The following INPP1 variants were observed in gnomAD, a reference collection of about 807,000 sequenced individuals.
INPP1 encodes inositol polyphosphate-1-phosphatase.
INPP1 carries 18 observed loss-of-function variants against 23.0 expected under a neutral mutation model. That is an observed-to-expected ratio of 0.78 (90% CI 0.54 to 1.16). INPP1 has a LOEUF of 1.16. Among genes scored for constraint, INPP1 ranks in the 50% most tolerant of loss-of-function variants. The pLI, the probability that INPP1 is intolerant of heterozygous loss-of-function variation, is 0.00. For synonymous variants in INPP1, 164 were observed against 176.3 expected (o/e 0.93, Z 0.55); for missense variants, 448 against 482.1 (o/e 0.93, Z 0.66).
At chr2:190,369,643 A>G (rs181847406) in intron 6 of INPP1, among the ~76,000 whole-genome samples, 23 of 152,380 alleles carry the variant, frequency 1.5e-4, no homozygotes, top group Non-Finnish European at 3.1e-4. Flanking sequence ...ATCGCTGTAT[A>G]GCCAGTTGAA....
At position 190,369,222 on chromosome 2, in the gene INPP1, C is replaced by T. The variant is rs746741158; in HGVS notation, c.586C>T (p.Pro196Ser). 2.1e-5 allele frequency: 34 copies of T among 1,604,152 alleles called. No individual in the cohort carries two copies. The South Asian group carries it at 3.7e-4, about 17-fold the overall frequency. Residue 196 changes from proline (P) to serine (S), a missense_variant, in exon 6 of 7, where the codon CCC (proline) becomes TCC (serine). Coordinates refer to ENST00000392329, the MANE Select transcript of INPP1 (RefSeq NM_001128928.2). ...IGVYDIQTGV[P>S]LMGVINQPFV... is the part of the protein sequence containing the mutation. ...TGTCTATGACATACAGACAGGGGTTCCCCTGATGGGAGTCATCAATCAACC... is the reference window on the plus strand; with the variant it reads ...TGTCTATGACATACAGACAGGGGTTTCCCTGATGGGAGTCATCAATCAACC...
intron 4 of INPP1, among the ~76,000 whole-genome samples, chr2:190,365,993 C>CTCTG (rs1689646034): frequency 4.2e-5 from 1 of 24,002 alleles, no homozygotes; most frequent in Non-Finnish European, 7.3e-5. Context: ...GTCTCGCTCT[C>CTCTG]TCTCGCTCTC....
chr2:190,371,050 G>T lies in INPP1; in HGVS notation c.848G>T (p.Arg283Leu), dbSNP rs755770972. The change falls in exon 7 of 7, where the codon CGC (arginine) becomes CTC (leucine). Residue 283 changes from arginine to leucine, a missense_variant. Arg to Leu is a moderately radical substitution (Grantham distance 102, BLOSUM62 -2). Coordinates refer to ENST00000392329, the MANE Select transcript of INPP1 (RefSeq NM_001128928.2). This position sits in a 1 kb window ranked among gnomAD's most constrained non-coding sequence, Gnocchi z 5.3. Reference sequence around the variant, plus strand: ...GCATTGTCACGTGTGTGTGGAGATCGCATATTTGGGGCAGCTGGGGCTGGT... The same window carrying T: ...GCATTGTCACGTGTGTGTGGAGATCTCATATTTGGGGCAGCTGGGGCTGGT... ...KAALSRVCGD[R>L]IFGAAGAGYK... 33 of 1,613,970 alleles carry T rather than the reference G, an allele frequency of 2.0e-5. No individual in the cohort carries two copies. In the East Asian group the frequency reaches 2.5e-4, roughly 12 times the overall value.
At chr2:190,365,742 C>A (rs1689632437) in intron 4 of INPP1, among the ~76,000 whole-genome samples, 1 of 152,234 alleles carries the variant, frequency 6.6e-6, no homozygotes, top group Non-Finnish European at 1.5e-5. Flanking sequence ...TGCCCTCAAT[C>A]TAAGTGCACA....
chr2:190,362,868 A>G (rs1017797991), intron 4 of INPP1, 181 bp downstream of exon 4: 3 of 419,504 alleles, frequency 7.2e-6, no homozygotes, highest in Non-Finnish European at 1.3e-5. Context: ...TTAAGTAGAG[A>G]GATGTGGTAT....
chr2:190,354,418 C>T lies in INPP1; in HGVS notation c.-65+5387C>T, dbSNP rs1449178986. Reference sequence around the variant, plus strand: ...CATGTTGAAGCCCCAACCCCCAGTACCTCAGAATGGGACTGTACTTGCAGA... The same window carrying T: ...CATGTTGAAGCCCCAACCCCCAGTATCTCAGAATGGGACTGTACTTGCAGA... On this transcript the variant is annotated intron_variant, in intron 2 of 6. Coordinates refer to ENST00000392329, the MANE Select transcript of INPP1 (RefSeq NM_001128928.2). The surrounding 1 kb of genome is among the most constrained non-coding windows in gnomAD (Gnocchi z 4.8). 6.6e-6 allele frequency among the ~76,000 whole-genome samples: 1 copy of T among 152,170 alleles called. No homozygotes were observed. Among genetic ancestry groups the T allele is most frequent in the Non-Finnish European group, 1.5e-5 (1 of 68,032 alleles).
In INPP1 at chr2:190,363,233, T is replaced by G. The variant is rs1206650387; in HGVS notation, c.265+546T>G. Among the ~76,000 whole-genome samples, 1 of 152,176 alleles carries G rather than the reference T, an allele frequency of 6.6e-6. No homozygotes were observed. The highest frequency in any genetic ancestry group is 2.1e-4 in the South Asian group (1 of 4,830). ...AGATTCCTTTTAGTACTAAGTTTTTTGGTTTGTTTGTTTGTTTTTGAGACA... is the reference window on the plus strand; with the variant it reads ...AGATTCCTTTTAGTACTAAGTTTTTGGGTTTGTTTGTTTGTTTTTGAGACA... On this transcript the variant is annotated intron_variant, in intron 4 of 6. Coordinates refer to ENST00000392329, the MANE Select transcript of INPP1 (RefSeq NM_001128928.2). The surrounding 1 kb of genome is among the most constrained non-coding windows in gnomAD (Gnocchi z 4.4).
Position 190,371,386 on chromosome 2 carries a change from C to T in INPP1, c.1184C>T (p.Ala395Val). ...LSLLVQNLAP[A>V]ETHT ...CTCCTGGTCCAAAACCTGGCACCTG[C>T]AGAGACGCATACCTAGAGGAACTCT... Residue 395 changes from alanine (A) to valine (V), a missense_variant, in exon 7 of 7, where the codon GCA becomes GTA. Ala to Val is a moderately conservative substitution (Grantham distance 64). Transcript: ENST00000392329. This position sits in a 1 kb window ranked among gnomAD's most constrained non-coding sequence, Gnocchi z 5.3. The T allele has an allele frequency of 6.6e-7, 1 of 1,526,162 alleles. No individual in the cohort carries two copies. Among genetic ancestry groups the T allele is most frequent in the Non-Finnish European group, 8.8e-7 (1 of 1,138,996 alleles). 94.5% of individuals were successfully genotyped at this position (1,526,162 alleles called of 1,614,324 possible).
Position 190,360,118 on chromosome 2 carries a change from C to T in INPP1, c.16C>T (p.Arg6Trp), listed in dbSNP as rs748982117. ...AGGTTCAGAAATGTCAGATATCCTC[C>T]GGGAGCTGCTCTGTGTCTCTGAGAA... MSDIL[R>W]ELLCVSEKAA... The change falls in exon 3 of 7, where the codon CGG becomes TGG. Residue 6 changes from arginine to tryptophan, a missense_variant. By Grantham distance (101) the Arg-to-Trp change is moderately radical. Coordinates refer to ENST00000392329, the MANE Select transcript of INPP1 (RefSeq NM_001128928.2). The T allele has an allele frequency of 1.2e-5, 19 of 1,613,154 alleles. No individual in the cohort carries two copies. The highest frequency in any genetic ancestry group is 1.3e-5 in the Non-Finnish European group (15 of 1,180,004).
chr2:190,366,625 C>A, intron 4 of INPP1, 70 bp from the exon 5 acceptor site: 2 of 1,048,636 alleles, frequency 1.9e-6, no homozygotes, highest in Non-Finnish European at 1.5e-6. Context: ...CACTCTTTAG[C>A]TCTCTCTCTC....
rs530234649 is a variant in INPP1 at position 190,363,625 on chromosome 2, ACT to A, written c.265+941_265+942del. Among the ~76,000 whole-genome samples, 89 of 152,296 alleles carry A rather than the reference ACT, an allele frequency of 5.8e-4. 3 individuals carry two copies. The South Asian group carries it at 0.018, about 31-fold the overall frequency. ...AAAGAAAAAATGAGTTTCTAGATTA[ACT>A]CTGAAAATTTTTTAGTCTCCTTCAT... On this transcript the variant is annotated intron_variant, in intron 4 of 6. Transcript: ENST00000392329. The surrounding 1 kb of genome is among the most constrained non-coding windows in gnomAD (Gnocchi z 4.4).
At chr2:190,369,007 A>T in intron 5 of INPP1, 96 bp from the exon 6 acceptor site, 1 of 656,586 alleles carries the variant, frequency 1.5e-6, no homozygotes, top group Non-Finnish European at 2.4e-6. Context: ...GTAAAAAATT[A>T]TTGGTTACCA....
At position 190,354,544 on chromosome 2, in the gene INPP1, A is replaced by C. The variant is rs1437608069; in HGVS notation, c.-64-5495A>C. 6.6e-6 allele frequency among the ~76,000 whole-genome samples: 1 copy of C among 152,228 alleles called. No homozygotes were observed. The highest frequency in any genetic ancestry group is 2.4e-5 in the African/African-American group (1 of 41,456). On this transcript the variant is annotated intron_variant, in intron 2 of 6. Coordinates refer to ENST00000392329, the MANE Select transcript of INPP1 (RefSeq NM_001128928.2). The surrounding 1 kb of genome is among the most constrained non-coding windows in gnomAD (Gnocchi z 4.8). The stretch of plus-strand genomic sequence containing the variant: ...GGAGACATGCCAGAGATTAACGCCC[A>C]CGATGGAAAGGCCAGGTGAGGCCAC...
At position 190,356,195 on chromosome 2, in the gene INPP1, G is replaced by A. The variant is rs1292925595; in HGVS notation, c.-64-3844G>A. The stretch of plus-strand genomic sequence containing the variant: ...AAAGGGAAGTAGCTGAACAAATGCT[G>A]GGCTCATTAGCATGGCTGGTGAAAG... On this transcript the variant is annotated intron_variant, in intron 2 of 6. Transcript: ENST00000392329. This position sits in a 1 kb window ranked among gnomAD's most constrained non-coding sequence, Gnocchi z 6.4. Among the ~76,000 whole-genome samples the A allele has an allele frequency of 5.3e-5, 8 of 152,162 alleles. No individual in the cohort carries two copies. Among genetic ancestry groups the A allele is most frequent in the African/African-American group, 1.9e-4 (8 of 41,422 alleles).
At chr2:190,362,848 G>T in intron 4 of INPP1, 161 bp downstream of exon 4, 1 of 448,952 alleles carries the variant, frequency 2.2e-6, no homozygotes, top group Non-Finnish European at 4.0e-6. Flanking sequence ...AGAATATCAT[G>T]CCATTTAACT....
intron 4 of INPP1, chr2:190,365,032 C>T (rs1689616962): frequency 6.0e-6 from 1 of 166,694 alleles, no homozygotes; most frequent in Admixed American, 6.6e-5. Flanking sequence ...TCCAAAGTGC[C>T]ATGTTTTCTT....
Position 190,363,421 on chromosome 2 carries a change from A to G in INPP1, c.265+734A>G, listed in dbSNP as rs1689572174. Among the ~76,000 whole-genome samples, 1 of 152,048 alleles carries G rather than the reference A, an allele frequency of 6.6e-6. No individual in the cohort carries two copies. Among genetic ancestry groups the G allele is most frequent in the Non-Finnish European group, 1.5e-5 (1 of 67,990 alleles). On this transcript the variant is annotated intron_variant, in intron 4 of 6. Transcript: ENST00000392329. This position sits in a 1 kb window ranked among gnomAD's most constrained non-coding sequence, Gnocchi z 4.4. ...CTAATTTTTGTATTTTTAGTTAGAG[A>G]TGGGATTTCACCATGTTGGCCAGGC... is the stretch of plus-strand genomic sequence containing the variant.
At chr2:190,353,110 C>G (rs1393293554) in intron 2 of INPP1, among the ~76,000 whole-genome samples, 2 of 152,184 alleles carry the variant, frequency 1.3e-5, no homozygotes, top group African/African-American at 4.8e-5. Context: ...GTGGCAGGCC[C>G]TTATCTATGT....
At position 190,368,025 on chromosome 2, in the gene INPP1, C is replaced by T. The variant is rs1258869506; in HGVS notation, c.467-1078C>T. Among the ~76,000 whole-genome samples the T allele has an allele frequency of 6.6e-6, 1 of 152,140 alleles. No individual in the cohort carries two copies. The highest frequency in any genetic ancestry group is 1.5e-5 in the Non-Finnish European group (1 of 68,032). Reference sequence around the variant, plus strand: ...CCTTCCCATCCTACAAGTGCATTCACAGGATGATACTGAAATGGGTTTAAT... The same window carrying T: ...CCTTCCCATCCTACAAGTGCATTCATAGGATGATACTGAAATGGGTTTAAT... On this transcript the variant is annotated intron_variant, in intron 5 of 6. Transcript: ENST00000392329. The surrounding 1 kb of genome is among the most constrained non-coding windows in gnomAD (Gnocchi z 4.3).
Sources: gnomAD v4.1 joint callset for allele counts (sites outside exome capture counted in the v4.1 genomes callset) on GRCh38, gnomAD v4.1.1 for gene constraint, Gnocchi (gnomAD v3.1) non-coding constraint, MANE v1.5 for transcripts, NCBI Gene and HGNC (gene_info 2026-07-23, HGNC 2026-07-21) for gene names.